LHFPL2: variants seen among roughly 807,000 people sequenced by gnomAD.
LHFPL2 encodes the protein LHFPL tetraspan subfamily member 2, also known as LHFPL tetraspan subfamily member 2 protein.
In LHFPL2, 7 loss-of-function variants were observed where a neutral mutation model predicts 17.5. The observed-to-expected ratio is 0.40, with a 90% confidence interval of 0.23 to 0.75. LHFPL2 has a LOEUF of 0.75. LHFPL2 is among the 30% of genes least tolerant of loss of function. The probability of loss-of-function intolerance (pLI) is 0.37; values close to 1 mark genes in which losing one functional copy is unlikely to be tolerated. For synonymous variants in LHFPL2, 134 were observed against 116.2 expected, an observed-to-expected ratio of 1.15 and a Z score of -0.99; for missense variants, 241 against 294.8, an observed-to-expected ratio of 0.82 and a Z score of 1.34.
chr5:78,514,885 T>A (rs1292013010), intron 3 of LHFPL2, among the ~76,000 whole-genome samples: 1 of 152,140 alleles, frequency 6.6e-6, no homozygotes. Context: ...CAGACAATGA[T>A]CACCCACATA....
At chr5:78,548,217 G>T (rs1756342693) in intron 3 of LHFPL2, among the ~76,000 whole-genome samples, 1 of 152,234 alleles carries the variant, frequency 6.6e-6, no homozygotes, top group African/African-American at 2.4e-5. Context: ...GCGATGCAGA[G>T]GCCTCCCAGC....
At chr5:78,494,413 C>T in intron 4 of LHFPL2, 1 of 985,398 alleles carries the variant, frequency 1.0e-6, no homozygotes, top group Non-Finnish European at 1.2e-6. Context: ...TAACAATTTT[C>T]ATAACCTTAA....
intron 2 of LHFPL2, among the ~76,000 whole-genome samples, chr5:78,607,771 A>G (rs992654481): frequency 6.6e-6 from 1 of 152,214 alleles, no homozygotes; most frequent in Non-Finnish European, 1.5e-5. Flanking sequence ...GTAAGTTTAC[A>G]AAGAAAAGTG....
chr5:78,592,477 G>A (rs906445683), intron 2 of LHFPL2, among the ~76,000 whole-genome samples: 1 of 152,126 alleles, frequency 6.6e-6, no homozygotes, highest in Non-Finnish European at 1.5e-5. Flanking sequence ...CGGGAAGCAG[G>A]GTGCTTTTTC....
intron 2 of LHFPL2, among the ~76,000 whole-genome samples, chr5:78,566,412 T>A (rs72760989): frequency 6.6e-6 from 1 of 152,146 alleles, no homozygotes; most frequent in Non-Finnish European, 1.5e-5. Flanking sequence ...AATAAAAATA[T>A]ACAAAAGAAT....
intron 4 of LHFPL2, among the ~76,000 whole-genome samples, chr5:78,496,425 G>C (rs1487731792): frequency 6.6e-6 from 1 of 152,170 alleles, no homozygotes; most frequent in Non-Finnish European, 1.5e-5. Flanking sequence ...GAACATAGCA[G>C]CCCATCTAAC....
At chr5:78,579,771 C>T (rs973707613) in intron 2 of LHFPL2, among the ~76,000 whole-genome samples, 23 of 152,248 alleles carry the variant, frequency 1.5e-4, no homozygotes, top group African/African-American at 4.1e-4. Context: ...GGTTCCAAGT[C>T]TTTGCTATTG....
chr5:78,595,040 C>A (rs1743774680), intron 2 of LHFPL2, among the ~76,000 whole-genome samples: 1 of 152,156 alleles, frequency 6.6e-6, no homozygotes, highest in Admixed American at 6.5e-5. Flanking sequence ...AAACTTTGTA[C>A]CCTGTGTGTT....
intron 3 of LHFPL2, among the ~76,000 whole-genome samples, chr5:78,552,134 ATT>A (rs372439802): frequency 0.38 from 53,813 of 140,030 alleles, 9,758 homozygotes; most frequent in Middle Eastern, 0.47. Context: ...CATGTCAGTG[ATT>A]TTTTTTTTTT....
intron 4 of LHFPL2, among the ~76,000 whole-genome samples, chr5:78,493,718 T>G (rs983432153): frequency 2.6e-5 from 4 of 152,338 alleles, no homozygotes; most frequent in Admixed American, 2.6e-4. Flanking sequence ...CTTTGGGTGA[T>G]TGATGTATCC....
chr5:78,599,793 C>CA (rs1743948410), intron 2 of LHFPL2, among the ~76,000 whole-genome samples: 1 of 152,186 alleles, frequency 6.6e-6, no homozygotes, highest in Admixed American at 6.5e-5. Context: ...TCAGCATGTA[C>CA]AACTGCTTCA....
At chr5:78,583,037 G>A (rs1313282493) in intron 2 of LHFPL2, among the ~76,000 whole-genome samples, 1 of 152,194 alleles carries the variant, frequency 6.6e-6, no homozygotes, top group Non-Finnish European at 1.5e-5. Flanking sequence ...TTAGCATTAT[G>A]TAATGGCCTT....
At chr5:78,592,921 C>G (rs1459407806) in intron 2 of LHFPL2, among the ~76,000 whole-genome samples, 1 of 152,156 alleles carries the variant, frequency 6.6e-6, no homozygotes, top group Non-Finnish European at 1.5e-5. Context: ...TAAAAGAGTT[C>G]TGGAGCTGGT....
intron 4 of LHFPL2, among the ~76,000 whole-genome samples, chr5:78,493,827 T>C (rs1754523859): frequency 6.6e-6 from 1 of 152,160 alleles, no homozygotes; most frequent in African/African-American, 2.4e-5. Context: ...AATAACTTCT[T>C]CAATGGGCAT....
chr5:78,506,951 G>A lies in LHFPL2; in HGVS notation c.430+2833C>T, dbSNP rs534693389. Among the ~76,000 whole-genome samples, 54 of 152,062 alleles carry A rather than the reference G, an allele frequency of 3.6e-4. No individual in the cohort carries two copies. The East Asian group carries it at 9.7e-3, about 27-fold the overall frequency. ...GCTTCCAGACTGGAAAGAGGCAGAAGATCAGCACCAGCCCTCAGCAGTGCT... is the reference window on the plus strand; with the variant it reads ...GCTTCCAGACTGGAAAGAGGCAGAAAATCAGCACCAGCCCTCAGCAGTGCT... On this transcript the variant is annotated intron_variant, in intron 4 of 4. Transcript: ENST00000380345.
intron 2 of LHFPL2, among the ~76,000 whole-genome samples, chr5:78,571,995 G>C (rs1397197910): frequency 6.6e-6 from 1 of 152,184 alleles, no homozygotes; most frequent in Non-Finnish European, 1.5e-5. Context: ...GTAAATATCA[G>C]TTGATGAATA....
intron 2 of LHFPL2, among the ~76,000 whole-genome samples, chr5:78,579,854 T>C (rs149110471): frequency 0.022 from 3,304 of 152,340 alleles, 59 homozygotes; most frequent in Middle Eastern, 0.058. Flanking sequence ...TTTGGGTATA[T>C]ACCCAGTAAT....
At chr5:78,521,636 G>A (rs1294436017) in intron 3 of LHFPL2, among the ~76,000 whole-genome samples, 1 of 152,224 alleles carries the variant, frequency 6.6e-6, no homozygotes, top group African/African-American at 2.4e-5. Context: ...GGTCAGGGGT[G>A]AGAGGTTCTG....
intron 2 of LHFPL2, among the ~76,000 whole-genome samples, chr5:78,574,420 G>T (rs886288911): frequency 6.6e-6 from 1 of 152,326 alleles, no homozygotes; most frequent in South Asian, 2.1e-4. Context: ...GGGGTTAAAA[G>T]TACAGTCTGG....
Sources: gnomAD v4.1 joint callset for allele counts (sites outside exome capture counted in the v4.1 genomes callset) on GRCh38, gnomAD v4.1.1 for gene constraint, MANE v1.5 for transcripts, NCBI Gene and HGNC (gene_info 2026-07-23, HGNC 2026-07-21) for gene names.